AOPEP: variants seen among roughly 807,000 people sequenced by gnomAD.
The protein encoded by AOPEP is aminopeptidase O.
AOPEP carries 77 observed loss-of-function variants against 98.1 expected under a neutral mutation model. The ratio of observed to expected loss-of-function variants is 0.78; its 90% CI spans 0.65 to 0.95. The LOEUF (loss-of-function observed/expected upper bound fraction) is 0.95. Among genes scored for constraint, AOPEP ranks in the 40% least tolerant of loss-of-function variants. AOPEP has a pLI of 0.00. For missense variants in AOPEP, 1,024 were observed against 1,024.7 expected (o/e 1.00, Z 0.01); for synonymous variants, 346 against 365.3 (o/e 0.95, Z 0.60).
chr9:94,801,679 C>T (rs1219671325), intron 5 of AOPEP, among the ~76,000 whole-genome samples: 1 of 152,112 alleles, frequency 6.6e-6, no homozygotes, highest in African/African-American at 2.4e-5. Context: ...TGCCATTGTT[C>T]AGTCATTAAT....
intron 14 of AOPEP, among the ~76,000 whole-genome samples, chr9:95,075,751 G>A (rs2068980159): frequency 6.6e-6 from 1 of 152,210 alleles, no homozygotes; most frequent in South Asian, 2.1e-4. Context: ...GCTGGGTGTG[G>A]TGGTACATTC....
At chr9:95,073,547 G>A (rs1361825326) in intron 14 of AOPEP, among the ~76,000 whole-genome samples, 5 of 151,740 alleles carry the variant, frequency 3.3e-5, no homozygotes, top group African/African-American at 7.3e-5. Context: ...AAGGCTGGGC[G>A]CAGTGGCTCA....
At chr9:95,010,276 A>G (rs1007322943) in intron 13 of AOPEP, among the ~76,000 whole-genome samples, 1 of 152,218 alleles carries the variant, frequency 6.6e-6, no homozygotes, top group African/African-American at 2.4e-5. Flanking sequence ...GGTATATTTT[A>G]TGTTCAGTTT....
intron 5 of AOPEP, among the ~76,000 whole-genome samples, chr9:94,832,321 A>G (rs949645158): frequency 8.5e-5 from 13 of 152,340 alleles, no homozygotes; most frequent in African/African-American, 3.1e-4. Flanking sequence ...AAGATGTTCA[A>G]CTTTTCTTAT....
At chr9:95,059,284 C>CT (rs1213947533) in intron 13 of AOPEP, among the ~76,000 whole-genome samples, 2 of 152,220 alleles carry the variant, frequency 1.3e-5, no homozygotes, top group African/African-American at 4.8e-5. Flanking sequence ...CACAGCATGT[C>CT]TTTCAGATGA....
intron 5 of AOPEP, among the ~76,000 whole-genome samples, chr9:94,846,750 A>C (rs1210106623): frequency 1.3e-5 from 2 of 152,146 alleles, no homozygotes; most frequent in Non-Finnish European, 2.9e-5. Context: ...CTTTACAAAA[A>C]TTTTAAAAAG....
intron 13 of AOPEP, among the ~76,000 whole-genome samples, chr9:95,055,439 A>G (rs1382655213): frequency 2.0e-5 from 3 of 152,218 alleles, no homozygotes; most frequent in Non-Finnish European, 4.4e-5. Flanking sequence ...AAAAAGCACC[A>G]TGTGAAAATT....
At chr9:94,899,820 C>T (rs988159895) in intron 5 of AOPEP, among the ~76,000 whole-genome samples, 1 of 152,004 alleles carries the variant, frequency 6.6e-6, no homozygotes, top group African/African-American at 2.4e-5. Context: ...ACAGACAACC[C>T]TTTTCAATAA....
At chr9:94,959,808 T>C (rs2058696668) in intron 9 of AOPEP, among the ~76,000 whole-genome samples, 1 of 152,218 alleles carries the variant, frequency 6.6e-6, no homozygotes. Context: ...TGTATGTATA[T>C]ATGGCATATG....
intron 5 of AOPEP, among the ~76,000 whole-genome samples, chr9:94,866,882 G>A (rs1208106464): frequency 1.3e-5 from 2 of 152,192 alleles, no homozygotes; most frequent in African/African-American, 4.8e-5. Flanking sequence ...TTTATAAAAT[G>A]TGAGGATTTT....
At chr9:95,005,414 C>A in intron 12 of AOPEP, 128 bp from the exon 13 acceptor site, 2 of 1,003,950 alleles carry the variant, frequency 2.0e-6, no homozygotes, top group Non-Finnish European at 3.0e-6. Context: ...CGCGGGCGGG[C>A]GCGGGTGGCC....
At chr9:95,100,987 C>G in the AOPEP span, 1 of 233,292 alleles carries the variant, frequency 4.3e-6, no homozygotes, top group Non-Finnish European at 8.5e-6. Context: ...AGAGAACTAA[C>G]TAACTGAATT....
chr9:94,799,226 T>G (rs1847689688), intron 4 of AOPEP, among the ~76,000 whole-genome samples: 1 of 152,210 alleles, frequency 6.6e-6, no homozygotes, highest in Non-Finnish European at 1.5e-5. Flanking sequence ...CATCTTAAGA[T>G]TTTTCATTAT....
the AOPEP span, among the ~76,000 whole-genome samples, chr9:95,119,834 C>T: frequency 2.6e-5 from 4 of 152,178 alleles, no homozygotes; most frequent in Non-Finnish European, 5.9e-5. Flanking sequence ...ACCTCAGCCT[C>T]CCGAGTAGCT....
At position 94,967,783 on chromosome 9, in the gene AOPEP, A is replaced by G. The variant is rs746430262; in HGVS notation, c.1898A>G (p.Asn633Ser). The G allele has an allele frequency of 6.2e-7, 1 of 1,613,528 alleles. No homozygotes were observed. The highest frequency in any genetic ancestry group is 8.5e-7 in the Non-Finnish European group (1 of 1,179,412). ...GATTTCCTTCAAATGCTACTGGAGAACATTCCAGAAGAAAAAAGGTAAGGA... is the reference window on the plus strand; with the variant it reads ...GATTTCCTTCAAATGCTACTGGAGAGCATTCCAGAAGAAAAAAGGTAAGGA... Reference protein sequence around the residue: ...SQDFLQMLLENIPEEKRLELS... With the variant: ...SQDFLQMLLESIPEEKRLELS... Residue 633 changes from asparagine to serine, a missense_variant, in exon 10 of 17, where the codon AAC becomes AGC. Coordinates refer to ENST00000375315, the MANE Select transcript of AOPEP (RefSeq NM_001193329.3).
the AOPEP span, among the ~76,000 whole-genome samples, chr9:95,132,601 C>T: frequency 1.3e-5 from 2 of 152,180 alleles, no homozygotes; most frequent in South Asian, 2.1e-4. Context: ...CAGCATGACT[C>T]GACAGCAGTC....
chr9:94,755,747 A>G (rs1836880721), intron 1 of AOPEP, among the ~76,000 whole-genome samples: 1 of 152,264 alleles, frequency 6.6e-6, no homozygotes, highest in African/African-American at 2.4e-5. Context: ...GAGAATTCCA[A>G]GGAAAAGCAT....
chr9:94,854,348 A>G (rs530918306), intron 5 of AOPEP, among the ~76,000 whole-genome samples: 38 of 152,328 alleles, frequency 2.5e-4, no homozygotes, highest in African/African-American at 6.5e-4. Flanking sequence ...GGAATGTGGT[A>G]TGAATTAAAA....
chr9:95,013,729 T>C (rs970225635), intron 13 of AOPEP, among the ~76,000 whole-genome samples: 6 of 152,218 alleles, frequency 3.9e-5, no homozygotes, highest in Admixed American at 3.3e-4. Flanking sequence ...TTGTGCTGTT[T>C]ATACCTGAAG....
Sources: gnomAD v4.1 joint callset for allele counts (sites outside exome capture counted in the v4.1 genomes callset) on GRCh38, gnomAD v4.1.1 for gene constraint, MANE v1.5 for transcripts, NCBI Gene and HGNC (gene_info 2026-07-23, HGNC 2026-07-21) for gene names.